SGMS1: variants seen among roughly 807,000 people sequenced by gnomAD.
SGMS1 encodes phosphatidylcholine:ceramide cholinephosphotransferase 1.
SGMS1 carries 13 observed loss-of-function variants against 46.2 expected under a neutral mutation model. That is an observed-to-expected ratio of 0.28 (90% CI 0.18 to 0.45). The LOEUF (loss-of-function observed/expected upper bound fraction) is 0.45, where lower values mean the gene tolerates loss of function less well. SGMS1 is among the 20% of genes least tolerant of loss of function. The pLI is 1.00. For synonymous variants in SGMS1, 203 were observed against 187.8 expected (o/e 1.08, Z -0.66); for missense variants, 324 against 519.9 (o/e 0.62, Z 3.66).
chr10:50,322,120 T>TAAAAC (rs1331854943), intron 8 of SGMS1, among the ~76,000 whole-genome samples: 6 of 152,078 alleles, frequency 3.9e-5, no homozygotes, highest in African/African-American at 1.4e-4. Context: ...AGGCAAAAAT[T>TAAAAC]AAAACAAAAC....
chr10:50,550,219 CA>C (rs770401492), intron 2 of SGMS1, among the ~76,000 whole-genome samples: 1 of 152,166 alleles, frequency 6.6e-6, no homozygotes, highest in African/African-American at 2.4e-5. Flanking sequence ...TGCTTGTAAG[CA>C]AACAGACTGC....
chr10:50,577,684 C>T (rs1838397621), intron 2 of SGMS1, among the ~76,000 whole-genome samples: 1 of 152,206 alleles, frequency 6.6e-6, no homozygotes, highest in Non-Finnish European at 1.5e-5. Flanking sequence ...CTCAAAGGTT[C>T]ATAGAGTAAT....
chr10:50,550,870 A>G (rs978979681), intron 2 of SGMS1, among the ~76,000 whole-genome samples: 10 of 152,224 alleles, frequency 6.6e-5, no homozygotes, highest in African/African-American at 2.4e-4. Context: ...AACTTGACCA[A>G]CCAAATAAAT....
At chr10:50,454,085 A>G (rs978298812) in intron 5 of SGMS1, among the ~76,000 whole-genome samples, 1 of 151,350 alleles carries the variant, frequency 6.6e-6, no homozygotes, top group African/African-American at 2.4e-5. Flanking sequence ...AAAGAAAGAA[A>G]TGAGTTTTCC....
chr10:50,467,188 G>C (rs1277580422), intron 3 of SGMS1, among the ~76,000 whole-genome samples: 1 of 152,032 alleles, frequency 6.6e-6, no homozygotes, highest in Non-Finnish European at 1.5e-5. Flanking sequence ...AAATGCATCT[G>C]ATGGTATAAC....
chr10:50,326,690 G>GTT (rs1847537866), intron 8 of SGMS1, among the ~76,000 whole-genome samples: 1 of 152,086 alleles, frequency 6.6e-6, no homozygotes, highest in Non-Finnish European at 1.5e-5. Flanking sequence ...GAGGAATAAA[G>GTT]TTTATTTTTA....
chr10:50,352,467 G>A (rs1276937590), intron 6 of SGMS1, among the ~76,000 whole-genome samples: 1 of 151,924 alleles, frequency 6.6e-6, no homozygotes. Context: ...ACATTTTTCA[G>A]AACTGGTAAT....
chr10:50,342,588 C>T (rs867031884), intron 7 of SGMS1: 3 of 152,308 alleles, frequency 2.0e-5, no homozygotes, highest in Middle Eastern at 3.4e-3. Context: ...ATTTTGTTTT[C>T]TTGCTGTAAG....
At chr10:50,318,636 T>C (rs1445922865) in intron 8 of SGMS1, among the ~76,000 whole-genome samples, 2 of 152,198 alleles carry the variant, frequency 1.3e-5, no homozygotes, top group Non-Finnish European at 2.9e-5. Flanking sequence ...TCTCTATACA[T>C]ATAGTAATCA....
intron 7 of SGMS1, among the ~76,000 whole-genome samples, chr10:50,330,151 T>C (rs1044272356): frequency 3.9e-5 from 6 of 152,052 alleles, no homozygotes; most frequent in African/African-American, 1.2e-4. Flanking sequence ...TTTGGTACAA[T>C]GATCTAAAAT....
rs374366274 is a variant in SGMS1 at position 50,336,573 on chromosome 10, CAT to C, written c.623+6917_623+6918del. ...CACGTCTCCCAGATGGAACCCAACA[CAT>C]AAAATATATAATTAAAAAACTGAAC... On this transcript the variant is annotated intron_variant, in intron 7 of 10. Transcript: ENST00000361781. Among the ~76,000 whole-genome samples, 98 of 152,238 alleles carry C rather than the reference CAT, an allele frequency of 6.4e-4. 2 individuals carry two copies. Among genetic ancestry groups the C allele is most frequent in the African/African-American group, 2.3e-3 (95 of 41,540 alleles).
At chr10:50,312,802 G>C (rs2133279029) in intron 8 of SGMS1, among the ~76,000 whole-genome samples, 1 of 152,262 alleles carries the variant, frequency 6.6e-6, no homozygotes. Flanking sequence ...AGTAAACATG[G>C]AGAAAAGAAG....
At chr10:50,488,054 C>T (rs1837537433) in intron 3 of SGMS1, among the ~76,000 whole-genome samples, 1 of 150,842 alleles carries the variant, frequency 6.6e-6, no homozygotes, top group South Asian at 2.1e-4. Context: ...CACTCTATTG[C>T]CCAGGCTGGA....
chr10:50,619,046 T>TA (rs1838823666), intron 1 of SGMS1, among the ~76,000 whole-genome samples: 1 of 149,278 alleles, frequency 6.7e-6, no homozygotes, highest in Admixed American at 6.7e-5. Flanking sequence ...GGTAGGAGAG[T>TA]CTCTTGAGCC....
chr10:50,375,878 T>A (rs1848515352), intron 6 of SGMS1, among the ~76,000 whole-genome samples: 2 of 152,186 alleles, frequency 1.3e-5, no homozygotes, highest in Non-Finnish European at 2.9e-5. Context: ...CACATTTTTT[T>A]AAGAGATGGG....
intron 2 of SGMS1, among the ~76,000 whole-genome samples, chr10:50,587,634 T>TGTGTGG (rs34281040): frequency 1.2e-4 from 6 of 49,042 alleles, no homozygotes; most frequent in African/African-American, 1.9e-4. Flanking sequence ...AAAATATATA[T>TGTGTGG]GTGTGTGTGT....
intron 3 of SGMS1, among the ~76,000 whole-genome samples, chr10:50,490,204 T>C (rs890495610): frequency 2.6e-5 from 4 of 152,196 alleles, no homozygotes; most frequent in African/African-American, 7.2e-5. Context: ...GCTACTCTTA[T>C]GTGTGATTCT....
At chr10:50,341,669 A>C (rs1179908455) in intron 7 of SGMS1, among the ~76,000 whole-genome samples, 2 of 100,752 alleles carry the variant, frequency 2.0e-5, no homozygotes, top group Non-Finnish European at 4.0e-5. Flanking sequence ...CCACTCAGCA[A>C]GTTGGACACA....
chr10:50,498,965 G>T (rs923889491), intron 3 of SGMS1, among the ~76,000 whole-genome samples: 14 of 151,948 alleles, frequency 9.2e-5, no homozygotes, highest in Admixed American at 7.9e-4. Flanking sequence ...TCATATCCTG[G>T]CCAACATTTG....
Sources: allele counts gnomAD v4.1 joint callset (sites outside exome capture counted in the v4.1 genomes callset), GRCh38; gene constraint gnomAD v4.1.1; transcripts MANE v1.5; gene names NCBI Gene and HGNC (gene_info 2026-07-23, HGNC 2026-07-21).